The following COL4A2 variants were observed in gnomAD, a reference collection of about 807,000 sequenced individuals.
COL4A2 encodes collagen alpha-2(IV) chain.
A neutral mutation model predicts 200.2 loss-of-function variants in COL4A2; 99 were observed. The ratio of observed to expected loss-of-function variants is 0.49; its 90% confidence interval spans 0.42 to 0.58. The LOEUF (loss-of-function observed/expected upper bound fraction) is 0.58. COL4A2 is among the 20% of genes least tolerant of loss of function. The pLI is 0.00. For missense variants in COL4A2, 1,950 were observed against 2,314.1 expected (o/e 0.84, Z 3.23); for synonymous variants, 897 against 900.6 (o/e 1.00, Z 0.07).
chr13:110,446,698 C>T, intron 17 of COL4A2, 100 bp from the exon 18 acceptor site: 1 of 979,116 alleles, frequency 1.0e-6, no homozygotes, highest in Non-Finnish European at 1.5e-6. Context: ...CTCTGCCAGC[C>T]TGACGGTCCA....
chr13:110,501,378 G>A (rs1435814808), intron 40 of COL4A2, among the ~76,000 whole-genome samples: 1 of 152,156 alleles, frequency 6.6e-6, no homozygotes, highest in Non-Finnish European at 1.5e-5. Context: ...AGCATGATCG[G>A]GCAGCGCCTT....
chr13:110,467,830 A>T (rs1882307143), intron 27 of COL4A2, among the ~76,000 whole-genome samples: 1 of 152,254 alleles, frequency 6.6e-6, no homozygotes, highest in African/African-American at 2.4e-5. Flanking sequence ...TGTGTCCATC[A>T]GCCTGAGAAA....
At position 110,503,886 on chromosome 13, in the gene COL4A2, T is replaced by C; in HGVS notation, c.4178T>C (p.Ile1393Thr). 6.2e-7 allele frequency: 1 copy of C among 1,613,548 alleles called. No individual in the cohort carries two copies. Among genetic ancestry groups the C allele is most frequent in the South Asian group, 1.1e-5 (1 of 91,042 alleles). ...GTVGAPGIAG[I>T]PQKIAVQPGT... The stretch of plus-strand genomic sequence containing the variant: ...GTGGGAGCCCCCGGGATTGCAGGAA[T>C]CCCCCAGAAGATTGCCGTCCAACCA... The change falls in exon 44 of 48, where the codon ATC becomes ACC. Residue 1393 changes from isoleucine to threonine, a missense_variant. Around this residue, in one of 2 missense-constraint regions of COL4A2, gnomAD observed 1,385 missense variants for 1,720.5 expected, o/e 0.80. Coordinates refer to ENST00000360467, the MANE Select transcript of COL4A2 (RefSeq NM_001846.4).
intron 40 of COL4A2, among the ~76,000 whole-genome samples, chr13:110,497,080 T>G (rs1325475211): frequency 3.0e-5 from 4 of 135,150 alleles, no homozygotes; most frequent in African/African-American, 1.2e-4. Flanking sequence ...GAATCTAAGG[T>G]CAGTCCCACC....
At chr13:110,488,445 C>G (rs1032984871) in intron 34 of COL4A2, among the ~76,000 whole-genome samples, 16 of 152,194 alleles carry the variant, frequency 1.1e-4, no homozygotes, top group Admixed American at 3.3e-4. Context: ...GGGGAGGAAG[C>G]CACTCTGGAG....
At chr13:110,476,659 AGTG>A (rs1882716152) in intron 29 of COL4A2, among the ~76,000 whole-genome samples, 1 of 152,172 alleles carries the variant, frequency 6.6e-6, no homozygotes, top group Non-Finnish European at 1.5e-5. Flanking sequence ...TGGACTGTAA[AGTG>A]GTGGCAGGAG....
At position 110,509,530 on chromosome 13, in the gene COL4A2, A is replaced by C. The variant is rs1397232092; in HGVS notation, c.4881+1309A>C. On this transcript the variant is annotated intron_variant, in intron 47 of 47. Coordinates refer to ENST00000360467, the MANE Select transcript of COL4A2 (RefSeq NM_001846.4). ...CTTTGGAGCAACCTTCTTTTGTTTC[A>C]CAGTGACCTTCAGGGTGCCCCTGTG... Among the ~76,000 whole-genome samples, 3 of 152,016 alleles carry C rather than the reference A, an allele frequency of 2.0e-5. No homozygotes were observed. In the East Asian group the frequency reaches 5.8e-4, roughly 29 times the overall value.
At chr13:110,423,577 C>T (rs1022575590) in intron 4 of COL4A2, among the ~76,000 whole-genome samples, 1 of 152,106 alleles carries the variant, frequency 6.6e-6, no homozygotes, top group African/African-American at 2.4e-5. Context: ...ATCGAAATTA[C>T]CTTTTGAGTC....
At chr13:110,357,056 G>A (rs772651339) in intron 3 of COL4A2, among the ~76,000 whole-genome samples, 15 of 152,226 alleles carry the variant, frequency 9.9e-5, no homozygotes, top group African/African-American at 2.4e-4. Flanking sequence ...GAGCGACCGC[G>A]CCCAGCCTAG....
intron 4 of COL4A2, among the ~76,000 whole-genome samples, chr13:110,404,458 C>CT (rs1342453267): frequency 6.6e-6 from 1 of 152,212 alleles, no homozygotes; most frequent in African/African-American, 2.4e-5. Context: ...TCAGAATTCA[C>CT]TGCCTGGCAG....
intron 31 of COL4A2, among the ~76,000 whole-genome samples, chr13:110,481,937 C>CTCTGTCCCTCCGTGCTGGAGACACACTGT (rs1466915465): frequency 0.052 from 1,944 of 37,740 alleles, 419 homozygotes; most frequent in Admixed American, 0.056. Flanking sequence ...AGACACACTG[C>CTCTGTCCCTCCGTGCTGGAGACACACTGT]TCTGTCCCTC....
chr13:110,469,340 A>AC lies in COL4A2; in HGVS notation c.2203+21dup. ...GGACCCCCAGGTGAGTTGAGATCAG[A>AC]CCCCCATTCAGCCCCTGGGTTCCAG... is the stretch of plus-strand genomic sequence containing the variant. On this transcript the variant is annotated intron_variant, in intron 28 of 47. Transcript: ENST00000360467. 1 of 1,559,798 alleles carries AC rather than the reference A, an allele frequency of 6.4e-7. No individual in the cohort carries two copies. Among genetic ancestry groups the AC allele is most frequent in the Middle Eastern group, 2.2e-4 (1 of 4,578 alleles).
intron 3 of COL4A2, among the ~76,000 whole-genome samples, chr13:110,325,719 G>T (rs999000270): frequency 2.6e-5 from 4 of 151,972 alleles, no homozygotes; most frequent in Non-Finnish European, 4.4e-5. Flanking sequence ...GCTACACTTT[G>T]CTTTGTGCAT....
chr13:110,311,717 T>C (rs971621556), intron 3 of COL4A2, among the ~76,000 whole-genome samples: 1 of 152,214 alleles, frequency 6.6e-6, no homozygotes, highest in Non-Finnish European at 1.5e-5. Flanking sequence ...GCTCTGAGCA[T>C]TGTCACCTAT....
At chr13:110,481,937 C>CTGTCCCTCCGTTGCTGGAGACACACTGT (rs1882945009) in intron 31 of COL4A2, among the ~76,000 whole-genome samples, 2 of 37,760 alleles carry the variant, frequency 5.3e-5, no homozygotes, top group African/African-American at 3.0e-4. Context: ...AGACACACTG[C>CTGTCCCTCCGTTGCTGGAGACACACTGT]TCTGTCCCTC....
At chr13:110,367,275 G>A (rs925884977) in intron 4 of COL4A2, among the ~76,000 whole-genome samples, 2 of 152,222 alleles carry the variant, frequency 1.3e-5, no homozygotes, top group Non-Finnish European at 2.9e-5. Context: ...AAATAAAATG[G>A]AAGTAATTAA....
intron 15 of COL4A2, among the ~76,000 whole-genome samples, chr13:110,439,178 C>T (rs1881030322): frequency 6.6e-6 from 1 of 152,164 alleles, no homozygotes; most frequent in Admixed American, 6.5e-5. Flanking sequence ...CCACTCACTC[C>T]ACGACCACAC....
In COL4A2 at chr13:110,450,415, C is replaced by T. The variant is rs1183468410; in HGVS notation, c.1300C>T (p.Pro434Ser). The change falls in exon 20 of 48, where the codon CCA (proline) becomes TCA (serine). Residue 434 changes from proline (P) to serine (S), a missense_variant. Physicochemically the swap from Pro to Ser is moderately conservative, Grantham distance 74 (BLOSUM62 -1). This residue lies in a region of COL4A2 where 565 missense variants were observed against 593.5 expected (regional missense o/e 0.95). Coordinates refer to ENST00000360467, the MANE Select transcript of COL4A2 (RefSeq NM_001846.4). ...TGGACCTGATGGAAAGCGAGGGCCT[C>T]CAGGACCCCCCGGGCTCCCTGGACC... ...PPGPDGKRGP[P>S]GPPGLPGPPG... The T allele has an allele frequency of 2.5e-6, 4 of 1,613,952 alleles. No homozygotes were observed. The Admixed American group carries it at 6.7e-5, about 27-fold the overall frequency.
intron 3 of COL4A2, among the ~76,000 whole-genome samples, chr13:110,315,593 A>G (rs1885110051): frequency 6.6e-6 from 1 of 152,060 alleles, no homozygotes. Flanking sequence ...ACAGGGTTTC[A>G]CCATGTTGGC....
Sources: gnomAD v4.1 joint callset for allele counts (sites outside exome capture counted in the v4.1 genomes callset) on GRCh38, gnomAD v4.1.1 for gene constraint, gnomAD v4.1.1 regional missense constraint, MANE v1.5 for transcripts, NCBI Gene and HGNC (gene_info 2026-07-23, HGNC 2026-07-21) for gene names.